Variants in SPATS2L observed in about 807,000 individuals in gnomAD.
SPATS2L encodes the protein spermatogenesis associated serine rich 2 like.
SPATS2L carries 30 observed loss-of-function variants against 59.6 expected under a neutral mutation model. That is an observed-to-expected ratio of 0.50 (90% CI 0.38 to 0.68). The LOEUF (loss-of-function observed/expected upper bound fraction) is 0.68. Among genes scored for constraint, SPATS2L ranks in the 30% least tolerant of loss-of-function variants. SPATS2L has a pLI of 0.00. For missense variants in SPATS2L, 615 were observed against 700.0 expected, an observed-to-expected ratio of 0.88 and a Z score of 1.37; for synonymous variants, 252 against 263.5, an observed-to-expected ratio of 0.96 and a Z score of 0.42.
chr2:200,454,170 G>T (rs2085669465), intron 8 of SPATS2L, among the ~76,000 whole-genome samples: 1 of 152,188 alleles, frequency 6.6e-6, no homozygotes. Flanking sequence ...ATGTGGCCTG[G>T]TTTTAAATCT....
chr2:200,413,399 C>G (rs918886489), intron 4 of SPATS2L, among the ~76,000 whole-genome samples: 2 of 152,146 alleles, frequency 1.3e-5, no homozygotes, highest in African/African-American at 4.8e-5. Flanking sequence ...TACGTTTATC[C>G]TATAATTTAC....
At chr2:200,371,632 G>A (rs2081429726) in intron 2 of SPATS2L, among the ~76,000 whole-genome samples, 1 of 152,174 alleles carries the variant, frequency 6.6e-6, no homozygotes, top group Admixed American at 6.5e-5. Flanking sequence ...GCACTCTCAA[G>A]AATAAAGTTC....
intron 2 of SPATS2L, among the ~76,000 whole-genome samples, chr2:200,374,050 C>T (rs1024230446): frequency 1.3e-5 from 2 of 152,210 alleles, no homozygotes; most frequent in African/African-American, 2.4e-5. Flanking sequence ...ACCATATAGA[C>T]ACCTTCTCAA....
At chr2:200,381,832 T>C (rs1171177203) in intron 2 of SPATS2L, among the ~76,000 whole-genome samples, 1 of 152,212 alleles carries the variant, frequency 6.6e-6, no homozygotes, top group East Asian at 1.9e-4. Context: ...GATTTTTGAA[T>C]AGCATTGTCT....
At chr2:200,353,344 G>A (rs1396643136) in intron 2 of SPATS2L, among the ~76,000 whole-genome samples, 4 of 152,088 alleles carry the variant, frequency 2.6e-5, no homozygotes, top group African/African-American at 9.7e-5. Flanking sequence ...GTGTTTTGAC[G>A]GATATATTTG....
chr2:200,376,664 C>T (rs939595421), intron 2 of SPATS2L, among the ~76,000 whole-genome samples: 1 of 152,210 alleles, frequency 6.6e-6, no homozygotes, highest in Non-Finnish European at 1.5e-5. Context: ...CATTGGTTTC[C>T]GATCCATTCT....
chr2:200,396,393 C>T (rs1164364353), intron 3 of SPATS2L, among the ~76,000 whole-genome samples: 1 of 152,082 alleles, frequency 6.6e-6, no homozygotes, highest in Non-Finnish European at 1.5e-5. Flanking sequence ...AGAGAGGTGA[C>T]ATATTCAATG....
At chr2:200,308,466 A>G (rs182410721) in intron 1 of SPATS2L, among the ~76,000 whole-genome samples, 138 of 152,298 alleles carry the variant, frequency 9.1e-4, no homozygotes, top group Middle Eastern at 3.4e-3. Context: ...ATGGGTTTCT[A>G]TTTGGACAAG....
At chr2:200,372,833 A>C (rs1028714121) in intron 2 of SPATS2L, among the ~76,000 whole-genome samples, 40 of 152,114 alleles carry the variant, frequency 2.6e-4, no homozygotes, top group African/African-American at 9.4e-4. Context: ...TAATACCTAC[A>C]TGCAGATACA....
chr2:200,372,761 A>G (rs2081470860), intron 2 of SPATS2L, among the ~76,000 whole-genome samples: 1 of 152,134 alleles, frequency 6.6e-6, no homozygotes, highest in Non-Finnish European at 1.5e-5. Flanking sequence ...GCTGTTGACT[A>G]GCTCTGGGAC....
chr2:200,471,020 C>T (rs1009689239), intron 11 of SPATS2L, among the ~76,000 whole-genome samples: 7 of 151,952 alleles, frequency 4.6e-5, no homozygotes, highest in East Asian at 1.9e-4. Flanking sequence ...ATTAGCTGGG[C>T]GTGGTGGCAG....
intron 3 of SPATS2L, among the ~76,000 whole-genome samples, chr2:200,400,526 G>A (rs756238796): frequency 3.3e-5 from 5 of 152,186 alleles, no homozygotes; most frequent in African/African-American, 1.2e-4. Flanking sequence ...AAACTTCCCA[G>A]TGTCAGATTA....
At chr2:200,327,875 CACACAT>C (rs1032731304) in intron 1 of SPATS2L, among the ~76,000 whole-genome samples, 5 of 152,052 alleles carry the variant, frequency 3.3e-5, no homozygotes, top group African/African-American at 7.2e-5. Context: ...CACACACACA[CACACAT>C]ACACACGCAA....
chr2:200,319,401 C>G (rs2079484744), intron 1 of SPATS2L, among the ~76,000 whole-genome samples: 1 of 151,978 alleles, frequency 6.6e-6, no homozygotes, highest in Admixed American at 6.6e-5. Flanking sequence ...CCCGTATCTA[C>G]TAAAAATACA....
At chr2:200,306,394 A>C (rs2079011510), upstream of SPATS2L, 1 of 1,002,058 alleles carries the variant, frequency 1.0e-6, no homozygotes, top group Non-Finnish European at 1.2e-6. Context: ...AAGGCGAGGA[A>C]GTCGGTCTGG....
chr2:200,443,050 A>G (rs74552734), intron 8 of SPATS2L, among the ~76,000 whole-genome samples: 8,994 of 152,256 alleles, frequency 0.059, 341 homozygotes, highest in Non-Finnish European at 0.09. Context: ...TTCTGATCTA[A>G]TCCTTAATAA....
At chr2:200,445,617 T>A (rs564278749) in intron 8 of SPATS2L, among the ~76,000 whole-genome samples, 8 of 152,234 alleles carry the variant, frequency 5.3e-5, no homozygotes, top group Non-Finnish European at 8.8e-5. Context: ...TGTAACTGTA[T>A]GTCCCATATT....
intron 1 of SPATS2L, among the ~76,000 whole-genome samples, chr2:200,318,214 T>C (rs536048679): frequency 2.0e-5 from 3 of 152,334 alleles, no homozygotes; most frequent in East Asian, 1.9e-4. Context: ...GAAGATGTTA[T>C]GCCAGTCACT....
chr2:200,365,933 T>C (rs1376917499), intron 2 of SPATS2L, among the ~76,000 whole-genome samples: 1 of 152,174 alleles, frequency 6.6e-6, no homozygotes, highest in Non-Finnish European at 1.5e-5. Context: ...CAAGCCTATA[T>C]ACATAGGAGA....
Sources: allele counts gnomAD v4.1 joint callset (sites outside exome capture counted in the v4.1 genomes callset), GRCh38; gene constraint gnomAD v4.1.1; transcripts MANE v1.5; gene names NCBI Gene and HGNC (gene_info 2026-07-23, HGNC 2026-07-21).